The following REST variants were observed in gnomAD, a reference collection of about 807,000 sequenced individuals.
REST encodes RE1 silencing transcription factor, also known as RE1-silencing transcription factor.
REST carries 1 observed loss-of-function variant against 30.4 expected under a neutral mutation model. That is an observed-to-expected ratio of 0.03 (90% CI 0.01 to 0.16). REST has a LOEUF of 0.16. REST is among the 10% of genes least tolerant of loss of function. The pLI is 1.00. For missense variants in REST, 1,259 were observed against 1,329.5 expected, an observed-to-expected ratio of 0.95 and a Z score of 0.82; for synonymous variants, 504 against 451.1, an observed-to-expected ratio of 1.12 and a Z score of -1.49.
chr4:56,921,402 A>C (rs1720444547), intron 3 of REST, among the ~76,000 whole-genome samples: 1 of 151,982 alleles, frequency 6.6e-6, no homozygotes, highest in Non-Finnish European at 1.5e-5. Flanking sequence ...TTTAAATTTT[A>C]TTTTATTATT....
chr4:56,918,685 GT>G (rs1720313516), intron 2 of REST, among the ~76,000 whole-genome samples: 1 of 152,100 alleles, frequency 6.6e-6, no homozygotes, highest in Admixed American at 6.5e-5. Flanking sequence ...AGCCTCCCAA[GT>G]GAGACTACAG....
In REST at chr4:56,925,036, G is replaced by A. The variant is rs1195867409; in HGVS notation, c.983-4805G>A. ...AAAAATTAGCCTGGCATGATGGCGG[G>A]TGCCTGTAATCCCAGCTACTCCGGA... On this transcript the variant is annotated intron_variant, in intron 3 of 3. Coordinates refer to ENST00000309042, the MANE Select transcript of REST (RefSeq NM_005612.5). Among the ~76,000 whole-genome samples the A allele has an allele frequency of 4.0e-5, 6 of 151,830 alleles. No homozygotes were observed. In the East Asian group the frequency reaches 9.6e-4, roughly 24 times the overall value.
At chr4:56,915,240 A>ATTTTTT (rs1193678055) in intron 2 of REST, among the ~76,000 whole-genome samples, 5 of 55,514 alleles carry the variant, frequency 9.0e-5, no homozygotes, top group African/African-American at 1.5e-4. Flanking sequence ...GTGTGTGTGT[A>ATTTTTT]TTTTTTTTTT....
At chr4:56,909,312 T>G (rs2109519189) in intron 1 of REST, 1 of 152,392 alleles carries the variant, frequency 6.6e-6, no homozygotes, top group African/African-American at 2.4e-5. Flanking sequence ...TTTGAGAAAA[T>G]GGCCGAATGC....
Position 56,931,160 on chromosome 4 carries a change from C to T in REST, c.2302C>T (p.Pro768Ser). 6.2e-7 allele frequency: 1 copy of T among 1,608,160 alleles called. No individual in the cohort carries two copies. Among genetic ancestry groups the T allele is most frequent in the Non-Finnish European group, 8.5e-7 (1 of 1,175,432 alleles). The change falls in exon 4 of 4, where the codon CCC becomes TCC. Residue 768 changes from proline to serine, a missense_variant. Coordinates refer to ENST00000309042, the MANE Select transcript of REST (RefSeq NM_005612.5). ...KEPVKIELSP[P>S]IEVVQKEPVQ... ...ACCTGTTAAGATAGAGCTGTCTCCT[C>T]CCATAGAGGTGGTCCAGAAGGAGCC...
rs1720887308 is a variant in REST, at chr4:56,929,925, A to G, written c.1067A>G (p.Asn356Ser). 3.1e-6 allele frequency: 5 copies of G among 1,614,188 alleles called. No homozygotes were observed. Among genetic ancestry groups the G allele is most frequent in the Non-Finnish European group, 4.2e-6 (5 of 1,180,034 alleles). The change falls in exon 4 of 4, where the codon AAT becomes AGT. Residue 356 changes from asparagine (N) to serine (S), a missense_variant. Asn to Ser is a conservative substitution (Grantham distance 46). Transcript: ENST00000309042. ...ACCCGCCATGCAAGACAGGTTCACAATGGGCCTAAACCTCTTAATTGCCCA... is the reference window on the plus strand; with the variant it reads ...ACCCGCCATGCAAGACAGGTTCACAGTGGGCCTAAACCTCTTAATTGCCCA... ...EVTRHARQVH[N>S]GPKPLNCPHC... is the part of the protein sequence containing the mutation.
intron 2 of REST, among the ~76,000 whole-genome samples, chr4:56,916,049 C>T (rs181153919): frequency 5.5e-5 from 8 of 144,708 alleles, no homozygotes; most frequent in Admixed American, 4.8e-4. Context: ...TGCAGTGAGT[C>T]GAGATTGTGC....
Position 56,910,652 on chromosome 4 carries a change from T to C in REST, c.14T>C (p.Val5Ala), listed in dbSNP as rs1286387521. ...CAGAATACAGTTATGGCCACCCAGG[T>C]AATGGGGCAGTCTTCTGGAGGAGGA... MATQVMGQSSGGGGL... is the reference protein window; with the variant it reads MATQAMGQSSGGGGL... The change falls in exon 2 of 4, where the codon GTA (valine) becomes GCA (alanine). Residue 5 changes from valine (V) to alanine (A), a missense_variant. By Grantham distance (64) the Val-to-Ala change is moderately conservative (BLOSUM62 0). Coordinates refer to ENST00000309042, the MANE Select transcript of REST (RefSeq NM_005612.5). The C allele has an allele frequency of 6.2e-7, 1 of 1,609,164 alleles. No individual in the cohort carries two copies. Among genetic ancestry groups the C allele is most frequent in the Non-Finnish European group, 8.5e-7 (1 of 1,176,306 alleles).
intron 3 of REST, among the ~76,000 whole-genome samples, chr4:56,926,418 C>T (rs889734508): frequency 6.6e-6 from 1 of 151,068 alleles, no homozygotes; most frequent in African/African-American, 2.4e-5. Context: ...GCTCTGTTGC[C>T]CAGGCTGGAG....
chr4:56,908,406 C>T (rs1420633637), intron 1 of REST, among the ~76,000 whole-genome samples, 193 bp downstream of exon 1: 1 of 151,264 alleles, frequency 6.6e-6, no homozygotes, highest in Non-Finnish European at 1.5e-5. Context: ...TCGGGTTACA[C>T]AGCAGCCGCC....
chr4:56,929,394 C>T (rs1720862231), intron 3 of REST, among the ~76,000 whole-genome samples: 1 of 152,204 alleles, frequency 6.6e-6, no homozygotes. Flanking sequence ...CTCAAGCAGT[C>T]CTTCTGCCAT....
intron 1 of REST, 94 bp from the exon 2 acceptor site, chr4:56,910,536 T>A (rs1027480506): frequency 2.7e-6 from 3 of 1,103,646 alleles, no homozygotes; most frequent in Non-Finnish European, 3.8e-6. Flanking sequence ...TACTGGAAAA[T>A]TTTTAAGTTA....
At chr4:56,919,670 GA>G (rs546152856) in intron 2 of REST, 116 bp from the exon 3 acceptor site, 175 of 489,970 alleles carry the variant, frequency 3.6e-4, no homozygotes, top group African/African-American at 1.8e-3. Flanking sequence ...CCAGAAATAG[GA>G]AAAAAAAATT....
chr4:56,928,807 T>C (rs1411653477), intron 3 of REST, among the ~76,000 whole-genome samples: 2 of 151,734 alleles, frequency 1.3e-5, no homozygotes, highest in South Asian at 2.1e-4. Context: ...CAGGCTTGCC[T>C]TGAACTCCTG....
Position 56,931,335 on chromosome 4 carries a change from T to G in REST, c.2477T>G (p.Met826Arg), listed in dbSNP as rs754996610. The change falls in exon 4 of 4, where the codon ATG becomes AGG. Residue 826 changes from methionine to arginine, a missense_variant. Met to Arg is a moderately conservative substitution (Grantham distance 91). This residue lies in a region of REST where 856 missense variants were observed against 772.8 expected (regional missense o/e 1.11). Transcript: ENST00000309042. ...LRKDKKEKSN[M>R]QSERARKEQV... is the part of the protein sequence containing the mutation. The stretch of plus-strand genomic sequence containing the variant: ...AAAGATAAAAAGGAAAAGTCTAACA[T>G]GCAGAGTGAAAGGGCACGGAAGGAG... 34 of 1,614,138 alleles carry G rather than the reference T, an allele frequency of 2.1e-5. No homozygotes were observed. The highest frequency in any genetic ancestry group is 2.5e-5 in the Non-Finnish European group (29 of 1,180,052).
chr4:56,929,313 C>T (rs974398848), intron 3 of REST, among the ~76,000 whole-genome samples: 7 of 152,020 alleles, frequency 4.6e-5, no homozygotes, highest in African/African-American at 9.7e-5. Flanking sequence ...TCAAGGTATC[C>T]GCCCACCTTG....
In REST at chr4:56,931,835, C is replaced by T; in HGVS notation, c.2977C>T (p.Pro993Ser). ...AGTGTCCAAAACTGCACTGGCATCA[C>T]CTCCTGCTACAATGGCAGCAAATGA... is the stretch of plus-strand genomic sequence containing the variant. The part of the protein sequence containing the change: ...EAVSKTALAS[P>S]PATMAANESQ... The change falls in exon 4 of 4, where the codon CCT becomes TCT. Residue 993 changes from proline to serine, a missense_variant. Coordinates refer to ENST00000309042, the MANE Select transcript of REST (RefSeq NM_005612.5). The T allele has an allele frequency of 6.2e-7, 1 of 1,614,206 alleles. No individual in the cohort carries two copies. Among genetic ancestry groups the T allele is most frequent in the Non-Finnish European group, 8.5e-7 (1 of 1,180,038 alleles).
chr4:56,918,051 CAAAA>C (rs528213458), intron 2 of REST, among the ~76,000 whole-genome samples: 1 of 98,138 alleles, frequency 1.0e-5, no homozygotes, highest in African/African-American at 4.1e-5. Context: ...GACTCCGTCT[CAAAA>C]AAAAAAAAAA....
Position 56,931,338 on chromosome 4 carries a change from A to G in REST, c.2480A>G (p.Gln827Arg), listed in dbSNP as rs775747740. Residue 827 changes from glutamine (Q) to arginine (R), a missense_variant, in exon 4 of 4, where the codon CAG becomes CGG. Gln to Arg is a conservative substitution (Grantham distance 43). Around this residue, in one of 5 missense-constraint regions of REST, gnomAD observed 856 missense variants for 772.8 expected, o/e 1.11. Coordinates refer to ENST00000309042, the MANE Select transcript of REST (RefSeq NM_005612.5). ...RKDKKEKSNMQSERARKEQVL... is the reference protein window; with the variant it reads ...RKDKKEKSNMRSERARKEQVL... ...GATAAAAAGGAAAAGTCTAACATGC[A>G]GAGTGAAAGGGCACGGAAGGAGCAA... The G allele has an allele frequency of 1.9e-6, 3 of 1,614,262 alleles. No individual in the cohort carries two copies. The Admixed American group carries it at 5.0e-5, about 27-fold the overall frequency.
Sources: gnomAD v4.1 joint callset for allele counts (sites outside exome capture counted in the v4.1 genomes callset) on GRCh38, gnomAD v4.1.1 for gene constraint, gnomAD v4.1.1 regional missense constraint, MANE v1.5 for transcripts, NCBI Gene and HGNC (gene_info 2026-07-23, HGNC 2026-07-21) for gene names.